The following MAMSTR variants were observed in gnomAD, a reference collection of about 807,000 sequenced individuals.
MAMSTR encodes MEF2-activating motif and SAP domain-containing transcriptional regulator.
Under a neutral mutation model 42.7 loss-of-function variants are expected in MAMSTR, and 41 were observed. The ratio of observed to expected loss-of-function variants is 0.96; its 90% CI spans 0.75 to 1.25. The LOEUF (loss-of-function observed/expected upper bound fraction) is 1.25. MAMSTR is among the 50% of genes most tolerant of loss of function. The pLI is 0.00. For missense variants in MAMSTR, 567 were observed against 557.6 expected, an observed-to-expected ratio of 1.02 and a Z score of -0.17; for synonymous variants, 265 against 244.1, an observed-to-expected ratio of 1.09 and a Z score of -0.80.
At chr19:48,707,932 A>AAGGGG (rs1352652372), downstream of MAMSTR, among the ~76,000 whole-genome samples, 2 of 146,394 alleles carry the variant, frequency 1.4e-5, no homozygotes, top group East Asian at 4.2e-4. Flanking sequence ...AGAAAGAAAG[A>AAGGGG]AGGGGAGGGG....
At chr19:48,715,066 C>A (rs1428042505) in intron 5 of MAMSTR, among the ~76,000 whole-genome samples, 158 bp from the exon 6 acceptor site, 1 of 151,556 alleles carries the variant, frequency 6.6e-6, no homozygotes, top group Non-Finnish European at 1.5e-5. Flanking sequence ...GATTTCTGTG[C>A]ATGGGGGAGG....
chr19:48,708,843 C>G (rs531987296), downstream of MAMSTR, among the ~76,000 whole-genome samples: 12 of 152,074 alleles, frequency 7.9e-5, no homozygotes, highest in African/African-American at 2.9e-4. Context: ...GGATAAAGGG[C>G]AGGAGGGAGT....
chr19:48,709,306 AC>A (rs1002793761), downstream of MAMSTR, among the ~76,000 whole-genome samples: 2 of 151,816 alleles, frequency 1.3e-5, no homozygotes, highest in African/African-American at 4.8e-5. Context: ...GCACCACCAC[AC>A]CCGGCTAATT....
At chr19:48,716,619 T>C in intron 3 of MAMSTR, 86 bp downstream of exon 3, 1 of 1,275,504 alleles carries the variant, frequency 7.8e-7, no homozygotes. Flanking sequence ...CAGGAACCAA[T>C]GAGGGGTATC....
rs1405385691 is a variant in MAMSTR at position 48,712,926 on chromosome 19, T to G, written c.*341A>C. The G allele has an allele frequency of 1.4e-5, 3 of 218,068 alleles. No individual in the cohort carries two copies. The highest frequency in any genetic ancestry group is 2.7e-5 in the Non-Finnish European group (3 of 112,088). The allele number at this position is 218,068 out of a possible 1,614,324, so 13.5% of individuals were successfully genotyped here. A position where few individuals can be genotyped will look rare whatever the true frequency, so the allele number is the denominator to read the frequency against. ...CCTGCATCCAAAAGGCATAACCACC[T>G]TCCAGGCTCCCCAAACAACAGGGAG... is the stretch of plus-strand genomic sequence containing the variant. On this transcript the variant is annotated 3_prime_UTR_variant, in exon 10 of 10. Coordinates refer to ENST00000318083, the MANE Select transcript of MAMSTR (RefSeq NM_001130915.2).
In MAMSTR at chr19:48,713,137, G is replaced by A. The variant is rs1458218758; in HGVS notation, c.*130C>T. 1 of 842,632 alleles carries A rather than the reference G, an allele frequency of 1.2e-6. No individual in the cohort carries two copies. The highest frequency in any genetic ancestry group is 3.3e-5 in the Admixed American group (1 of 29,968). 52.2% of individuals were successfully genotyped at this position (842,632 alleles called of 1,614,324 possible). On this transcript the variant is annotated 3_prime_UTR_variant, in exon 10 of 10. Transcript: ENST00000318083. Reference sequence around the variant, plus strand: ...CATGTCAGCAGCACTTCAGGAGGCAGGTGGGGTTGGAGGTTGTCTCCGATC... The same window carrying A: ...CATGTCAGCAGCACTTCAGGAGGCAAGTGGGGTTGGAGGTTGTCTCCGATC...
At chr19:48,716,879 G>C (rs1406246416) in intron 2 of MAMSTR, 136 bp from the exon 3 acceptor site, 11 of 1,226,452 alleles carry the variant, frequency 9.0e-6, no homozygotes, top group Non-Finnish European at 9.2e-6. Context: ...TGTGCAGGCG[G>C]GTGGGCGGGC....
intron 3 of MAMSTR, among the ~76,000 whole-genome samples, chr19:48,716,374 C>CAAAAAAAAAA (rs35058019): frequency 6.2e-5 from 4 of 64,998 alleles, no homozygotes; most frequent in African/African-American, 1.2e-4. Context: ...GATTCCATCT[C>CAAAAAAAAAA]AAAAAAAAAA....
chr19:48,707,888 A>AAAGAAAGAAAGG (rs776827691), downstream of MAMSTR, among the ~76,000 whole-genome samples: 15 of 80,464 alleles, frequency 1.9e-4, no homozygotes, highest in African/African-American at 7.4e-4. Flanking sequence ...AGAAAGAAAG[A>AAAGAAAGAAAGG]AAAGAAAGAA....
In MAMSTR at chr19:48,713,089, G is replaced by A. The variant is rs2032780072; in HGVS notation, c.*178C>T. 3.5e-6 allele frequency: 2 copies of A among 579,404 alleles called. No individual in the cohort carries two copies. The highest frequency in any genetic ancestry group is 5.8e-6 in the Non-Finnish European group (2 of 347,654). 35.9% of individuals were successfully genotyped at this position (579,404 alleles called of 1,614,324 possible). ...CCGGAGGGGGATCATAAGGAGGCCA[G>A]GTAGGCAAAGTTAAGGCAGTTGCAT... is the stretch of plus-strand genomic sequence containing the variant. On this transcript the variant is annotated 3_prime_UTR_variant, in exon 10 of 10. Coordinates refer to ENST00000318083, the MANE Select transcript of MAMSTR (RefSeq NM_001130915.2).
At chr19:48,711,934 G>A (rs1323943056), downstream of MAMSTR, among the ~76,000 whole-genome samples, 1 of 61,630 alleles carries the variant, frequency 1.6e-5, no homozygotes, top group African/African-American at 3.3e-5. Flanking sequence ...TTTTAGTAGA[G>A]ACAGGGTTTC....
chr19:48,713,505 A>C lies in MAMSTR; in HGVS notation c.1010T>G (p.Val337Gly). 1 of 1,612,726 alleles carries C rather than the reference A, an allele frequency of 6.2e-7. No individual in the cohort carries two copies. The highest frequency in any genetic ancestry group is 8.5e-7 in the Non-Finnish European group (1 of 1,179,660). Residue 337 changes from valine to glycine, a missense_variant, in exon 10 of 10, where the codon GTG (valine) becomes GGG (glycine). Physicochemically the swap from Val to Gly is moderately radical, Grantham distance 109. Transcript: ENST00000318083. ...IPLDFPGSFD[V>G]LSPSPDSEGL... ...TTCAGAGTCCGGGGAGGGGGACAGC[A>C]CGTCGAAGGAGCCAGGGAAGTCCAG...
intron 3 of MAMSTR, 136 bp from the exon 4 acceptor site, chr19:48,715,903 G>A (rs1200727266): frequency 4.1e-6 from 6 of 1,447,248 alleles, no homozygotes; most frequent in South Asian, 1.5e-5. Flanking sequence ...TGGGAGATGG[G>A]CGCCTGAACT....
rs2033169025 is a variant in MAMSTR at position 48,719,384 on chromosome 19, C to A, written c.-22+295G>T. On this transcript the variant is annotated intron_variant, in intron 1 of 9. Coordinates refer to ENST00000318083, the MANE Select transcript of MAMSTR (RefSeq NM_001130915.2). This position sits in a 1 kb window ranked among gnomAD's most constrained non-coding sequence, Gnocchi z 4.4. ...GGAGGAAGGGTTGCGGGTTGGGACCCCTGTGTCTAGGAAAGGGAGGAAGCA... is the reference window on the plus strand; with the variant it reads ...GGAGGAAGGGTTGCGGGTTGGGACCACTGTGTCTAGGAAAGGGAGGAAGCA... Among the ~76,000 whole-genome samples the A allele has an allele frequency of 6.6e-6, 1 of 151,984 alleles. No homozygotes were observed. Among genetic ancestry groups the A allele is most frequent in the Non-Finnish European group, 1.5e-5 (1 of 67,984 alleles).
In MAMSTR at chr19:48,714,724, A is replaced by C. The variant is rs1442123489; in HGVS notation, c.528+82T>G. 8 of 1,334,134 alleles carry C rather than the reference A, an allele frequency of 6.0e-6. No homozygotes were observed. In the Admixed American group the frequency reaches 1.3e-4, roughly 23 times the overall value. 82.6% of individuals were successfully genotyped at this position (1,334,134 alleles called of 1,614,324 possible). On this transcript the variant is annotated intron_variant, in intron 6 of 9. Coordinates refer to ENST00000318083, the MANE Select transcript of MAMSTR (RefSeq NM_001130915.2). ...TGGGTACCCGATCTCCTGGATTTCCAGAGGGCAGAGGCTGCGGGGTTGGAA... is the reference window on the plus strand; with the variant it reads ...TGGGTACCCGATCTCCTGGATTTCCCGAGGGCAGAGGCTGCGGGGTTGGAA...
At chr19:48,711,963 A>G (rs1416221318), downstream of MAMSTR, among the ~76,000 whole-genome samples, 3 of 150,948 alleles carry the variant, frequency 2.0e-5, no homozygotes, top group East Asian at 2.0e-4. Context: ...TCACCGTGTT[A>G]GCCAGGATGG....
rs1375112779 is a variant in MAMSTR, at chr19:48,713,514, G to A, written c.1001C>T (p.Ser334Phe). 1 of 1,612,838 alleles carries A rather than the reference G, an allele frequency of 6.2e-7. No individual in the cohort carries two copies. The highest frequency in any genetic ancestry group is 1.3e-5 in the African/African-American group (1 of 74,982). ...LPPIPLDFPG[S>F]FDVLSPSPDS... ...CGGGGAGGGGGACAGCACGTCGAAGGAGCCAGGGAAGTCCAGGGGAATAGG... is the reference window on the plus strand; with the variant it reads ...CGGGGAGGGGGACAGCACGTCGAAGAAGCCAGGGAAGTCCAGGGGAATAGG... The change falls in exon 10 of 10, where the codon TCC (serine) becomes TTC (phenylalanine). Residue 334 changes from serine to phenylalanine, a missense_variant. Ser to Phe is a radical substitution (Grantham distance 155). Coordinates refer to ENST00000318083, the MANE Select transcript of MAMSTR (RefSeq NM_001130915.2).
intron 8 of MAMSTR, 34 bp downstream of exon 8, chr19:48,713,826 G>A (rs1390057542): frequency 6.2e-7 from 1 of 1,614,194 alleles, no homozygotes; most frequent in East Asian, 2.2e-5. Context: ...CCTGACTGGA[G>A]AACCCTAGCC....
rs1216722974 is a variant in MAMSTR at position 48,719,627 on chromosome 19, G to A, written c.-22+52C>T. ...GGGAAGGGACTGGGACCAGAGAGGG[G>A]ATAGAACCGTTGAGGAGTGCGCCCC... On this transcript the variant is annotated intron_variant, in intron 1 of 9. Transcript: ENST00000318083. The surrounding 1 kb of genome is among the most constrained non-coding windows in gnomAD (Gnocchi z 4.4). 1.3e-5 allele frequency: 2 copies of A among 153,952 alleles called. No homozygotes were observed. The highest frequency in any genetic ancestry group is 4.8e-5 in the African/African-American group (2 of 41,442). The allele number at this position is 153,952 out of a possible 1,614,324, so 9.5% of individuals were successfully genotyped here. A position where few individuals can be genotyped will look rare whatever the true frequency, so the allele number is the denominator to read the frequency against.
Sources: gnomAD v4.1 joint callset for allele counts (sites outside exome capture counted in the v4.1 genomes callset) on GRCh38, gnomAD v4.1.1 for gene constraint, Gnocchi (gnomAD v3.1) non-coding constraint, MANE v1.5 for transcripts, NCBI Gene and HGNC (gene_info 2026-07-23, HGNC 2026-07-21) for gene names.